GTF2H1: variants seen among roughly 807,000 people sequenced by gnomAD.
GTF2H1 encodes the protein general transcription factor IIH subunit 1, also known as BTF2 p62.
GTF2H1 carries 16 observed loss-of-function variants against 71.2 expected under a neutral mutation model. The observed-to-expected ratio is 0.22, with a 90% confidence interval of 0.15 to 0.34. GTF2H1 has a LOEUF of 0.34. Ranked by LOEUF, GTF2H1 falls within the 10% of genes least tolerant of loss-of-function variation. The probability of loss-of-function intolerance (pLI) is 1.00; values close to 1 mark genes in which losing one functional copy is unlikely to be tolerated. For synonymous variants in GTF2H1, 215 were observed against 219.0 expected (o/e 0.98, Z 0.16); for missense variants, 498 against 648.2 (o/e 0.77, Z 2.52).
chr11:18,358,738 C>T (rs1312360092), intron 13 of GTF2H1, 98 bp downstream of exon 13: 1 of 734,164 alleles, frequency 1.4e-6, no homozygotes, highest in African/African-American at 1.7e-5. Context: ...ATGTGACAGA[C>T]ACTGGGATAA....
intron 3 of GTF2H1, 145 bp from the exon 4 acceptor site, chr11:18,337,964 G>T: frequency 1.8e-6 from 1 of 554,572 alleles, no homozygotes; most frequent in Non-Finnish European, 3.2e-6. Context: ...ACTGAAAAGT[G>T]AACTGAAGGA....
intron 7 of GTF2H1, among the ~76,000 whole-genome samples, chr11:18,343,292 CTA>C (rs1475728349): frequency 6.6e-6 from 1 of 152,130 alleles, no homozygotes; most frequent in African/African-American, 2.4e-5. Context: ...TATAGGATTT[CTA>C]TGAGTTAAAA....
intron 14 of GTF2H1, among the ~76,000 whole-genome samples, chr11:18,363,452 C>A (rs1486681740): frequency 1.3e-5 from 2 of 152,070 alleles, no homozygotes; most frequent in Admixed American, 6.5e-5. Flanking sequence ...ATGGGAATTT[C>A]TCAGCTCTAT....
At chr11:18,328,467 C>G (rs529565561) in intron 1 of GTF2H1, among the ~76,000 whole-genome samples, 1 of 149,002 alleles carries the variant, frequency 6.7e-6, no homozygotes, top group Admixed American at 6.7e-5. Flanking sequence ...GAGCCAAGAT[C>G]ACGCCACTGC....
At chr11:18,324,053 T>C (rs1590176309) in intron 1 of GTF2H1, among the ~76,000 whole-genome samples, 1 of 14,350 alleles carries the variant, frequency 7.0e-5, no homozygotes, top group African/African-American at 2.8e-4. Flanking sequence ...TCAGCCGACA[T>C]TTTTTTTTTT....
Position 18,338,169 on chromosome 11 carries a change from G to C in GTF2H1, c.408G>C (p.Val136=). Residue 136 remains valine (V), a synonymous_variant, in exon 4 of 15, where the codon GTG becomes GTC. Transcript: ENST00000265963. The stretch of plus-strand genomic sequence containing the variant: ...ATAAAGACCTTGTTGTGAGTCAAGT[G>C]ATCAGTGCTGAGGAATTCTGGGCCA... ...QLYKDLVVSQ[V]ISAEEFWANR... 1.2e-6 allele frequency: 2 copies of C among 1,608,352 alleles called. No individual in the cohort carries two copies. The highest frequency in any genetic ancestry group is 2.2e-5 in the South Asian group (2 of 90,980).
At chr11:18,332,805 A>T (rs1398315263) in intron 1 of GTF2H1, 1 of 257,152 alleles carries the variant, frequency 3.9e-6, no homozygotes, top group African/African-American at 2.2e-5. Context: ...GAGGAAAATA[A>T]ATTAATAATA....
rs370115260 is a variant in GTF2H1 at position 18,334,310 on chromosome 11, G to T, written c.154+1082G>T. 4.1e-4 allele frequency among the ~76,000 whole-genome samples: 63 copies of T among 152,280 alleles called. No homozygotes were observed. In the South Asian group the frequency reaches 5.8e-3, roughly 14 times the overall value. ...CAGGAGAATGGCGTGAACTCAAGAG[G>T]CGGAGCTTGCAGTGAGCCAAGATCG... On this transcript the variant is annotated intron_variant, in intron 2 of 14. Coordinates refer to ENST00000265963, the MANE Select transcript of GTF2H1 (RefSeq NM_005316.4).
At position 18,329,323 on chromosome 11, in the gene GTF2H1, C is replaced by G. The variant is rs963126962; in HGVS notation, c.-15-3737C>G. Among the ~76,000 whole-genome samples, 3 of 152,152 alleles carry G rather than the reference C, an allele frequency of 2.0e-5. No homozygotes were observed. The South Asian group carries it at 6.2e-4, about 32-fold the overall frequency. On this transcript the variant is annotated intron_variant, in intron 1 of 14. Transcript: ENST00000265963. ...ATTCATCATGTCCGGAACTGAATTCCTTATCTTCACTTTCAAATCTGCTCT... is the reference window on the plus strand; with the variant it reads ...ATTCATCATGTCCGGAACTGAATTCGTTATCTTCACTTTCAAATCTGCTCT...
chr11:18,325,696 AAGTT>A (rs1450149085), intron 1 of GTF2H1, among the ~76,000 whole-genome samples: 1 of 152,328 alleles, frequency 6.6e-6, no homozygotes, highest in African/African-American at 2.4e-5. Flanking sequence ...AAATGAGTGA[AAGTT>A]AGCCAGTTGA....
intron 14 of GTF2H1, among the ~76,000 whole-genome samples, chr11:18,362,886 G>T (rs1179222581): frequency 1.3e-5 from 2 of 151,824 alleles, no homozygotes; most frequent in African/African-American, 4.8e-5. Flanking sequence ...GGCCAGGTTG[G>T]TCTCGAACTC....
chr11:18,344,155 G>T (rs1330315660), intron 7 of GTF2H1, among the ~76,000 whole-genome samples: 1 of 152,080 alleles, frequency 6.6e-6, no homozygotes, highest in Non-Finnish European at 1.5e-5. Flanking sequence ...CCAGCATTCA[G>T]TGTATCAACA....
chr11:18,346,953 T>C (rs764897621), intron 7 of GTF2H1, among the ~76,000 whole-genome samples: 20 of 151,490 alleles, frequency 1.3e-4, no homozygotes, highest in Non-Finnish European at 8.8e-5. Context: ...TTGGCCGGGC[T>C]AGTTTTGAAC....
chr11:18,331,521 C>G (rs965076964), intron 1 of GTF2H1, among the ~76,000 whole-genome samples: 3 of 152,022 alleles, frequency 2.0e-5, no homozygotes, highest in Non-Finnish European at 2.9e-5. Flanking sequence ...ACAAAAATAG[C>G]CAGGCGTGGT....
At chr11:18,331,744 C>T (rs189174927) in intron 1 of GTF2H1, among the ~76,000 whole-genome samples, 1 of 151,354 alleles carries the variant, frequency 6.6e-6, no homozygotes. Flanking sequence ...TTTCTGATTT[C>T]TATTGTTTTT....
chr11:18,361,242 G>A (rs1041377470), intron 14 of GTF2H1, among the ~76,000 whole-genome samples: 1 of 152,158 alleles, frequency 6.6e-6, no homozygotes, highest in African/African-American at 2.4e-5. Flanking sequence ...AAAATTAGTA[G>A]AATGTTGCCA....
At chr11:18,363,870 C>T (rs547101491) in intron 14 of GTF2H1, among the ~76,000 whole-genome samples, 30 of 152,006 alleles carry the variant, frequency 2.0e-4, no homozygotes, top group African/African-American at 6.5e-4. Context: ...GTCAAGAGTT[C>T]GAGACCAGCC....
Position 18,341,385 on chromosome 11 carries a change from A to T in GTF2H1, c.732A>T (p.Ala244=). Residue 244 remains alanine (A), a synonymous_variant, in exon 6 of 15, where the codon GCA becomes GCT. Coordinates refer to ENST00000265963, the MANE Select transcript of GTF2H1 (RefSeq NM_005316.4). ...ATACAGGGTCAAAGGATCTCTTTGC[A>T]GAATGTGCCAAAATAGATGAAAAAG... ...RLNTGSKDLF[A]ECAKIDEKGL... 1 of 1,613,914 alleles carries T rather than the reference A, an allele frequency of 6.2e-7. No homozygotes were observed. Among genetic ancestry groups the T allele is most frequent in the Non-Finnish European group, 8.5e-7 (1 of 1,179,944 alleles).
chr11:18,358,473 C>G (rs4150664), intron 12 of GTF2H1, 52 bp from the exon 13 acceptor site: 7 of 1,015,744 alleles, frequency 6.9e-6, no homozygotes, highest in Non-Finnish European at 1.1e-5. Flanking sequence ...TTTTTCGAGA[C>G]TGTATATGTT....
Sources: allele counts gnomAD v4.1 joint callset (sites outside exome capture counted in the v4.1 genomes callset), GRCh38; gene constraint gnomAD v4.1.1; transcripts MANE v1.5; gene names NCBI Gene and HGNC (gene_info 2026-07-23, HGNC 2026-07-21).